The following BNC2 variants were observed in gnomAD, a reference collection of about 807,000 sequenced individuals.
The protein encoded by BNC2 is zinc finger protein basonuclin-2.
A neutral mutation model predicts 76.3 loss-of-function variants in BNC2; 20 were observed. The observed-to-expected ratio is 0.26, with a 90% CI of 0.18 to 0.38. The LOEUF (loss-of-function observed/expected upper bound fraction) is 0.38, where lower values mean the gene tolerates loss of function less well. Ranked by LOEUF, BNC2 falls within the 10% of genes least tolerant of loss-of-function variation. The pLI, the probability that BNC2 is intolerant of heterozygous loss-of-function variation, is 1.00. For missense variants in BNC2, 1,382 were observed against 1,399.8 expected (o/e 0.99, Z 0.20); for synonymous variants, 582 against 514.8 (o/e 1.13, Z -1.77).
At chr9:16,778,819 G>C (rs1826039675) in intron 1 of BNC2, among the ~76,000 whole-genome samples, 1 of 152,106 alleles carries the variant, frequency 6.6e-6, no homozygotes, top group African/African-American at 2.4e-5. Context: ...TACAAAACAA[G>C]TATTAAAGAA....
At chr9:16,823,848 C>G (rs909704424) in intron 1 of BNC2, among the ~76,000 whole-genome samples, 4 of 152,102 alleles carry the variant, frequency 2.6e-5, no homozygotes, top group South Asian at 2.1e-4. Context: ...CTCTAAAGGT[C>G]TTTTTCCTTC....
chr9:16,456,428 G>C (rs889329545), intron 5 of BNC2, among the ~76,000 whole-genome samples: 4 of 151,746 alleles, frequency 2.6e-5, no homozygotes, highest in Admixed American at 6.6e-5. Flanking sequence ...AGTCCTGGGA[G>C]GCTGAGGCAG....
chr9:16,800,098 G>A (rs986723493), intron 1 of BNC2, among the ~76,000 whole-genome samples: 2 of 151,928 alleles, frequency 1.3e-5, no homozygotes, highest in African/African-American at 2.4e-5. Flanking sequence ...GGTAGCAGGC[G>A]CCTGTAGTCC....
intron 5 of BNC2, among the ~76,000 whole-genome samples, chr9:16,504,469 T>C (rs1373185909): frequency 6.6e-6 from 1 of 152,056 alleles, no homozygotes; most frequent in East Asian, 1.9e-4. Context: ...AATAGACTGG[T>C]TAATAACTTT....
At chr9:16,770,080 CA>C (rs1172543766) in intron 1 of BNC2, among the ~76,000 whole-genome samples, 1 of 152,120 alleles carries the variant, frequency 6.6e-6, no homozygotes, top group Non-Finnish European at 1.5e-5. Flanking sequence ...CCGCCAGAAA[CA>C]AGGAGGTCTT....
chr9:16,513,447 C>G (rs1485608157), intron 5 of BNC2, among the ~76,000 whole-genome samples: 1 of 151,914 alleles, frequency 6.6e-6, no homozygotes, highest in African/African-American at 2.4e-5. Context: ...GCTGGGGCTA[C>G]AGGTGCCTGC....
At chr9:16,460,807 A>G (rs1200470736) in intron 5 of BNC2, among the ~76,000 whole-genome samples, 3 of 152,124 alleles carry the variant, frequency 2.0e-5, no homozygotes, top group Admixed American at 6.5e-5. Context: ...TCAGGATTGA[A>G]TTAAATGACA....
chr9:16,800,173 C>G (rs929283254), intron 1 of BNC2, among the ~76,000 whole-genome samples: 1 of 150,470 alleles, frequency 6.6e-6, no homozygotes, highest in Non-Finnish European at 1.5e-5. Context: ...TGCAGTGAGC[C>G]GAGATTGCAC....
chr9:16,778,069 G>A (rs999296809), intron 1 of BNC2, among the ~76,000 whole-genome samples: 1 of 152,150 alleles, frequency 6.6e-6, no homozygotes, highest in African/African-American at 2.4e-5. Flanking sequence ...GCCACAGTAG[G>A]TGACTAAATG....
intron 3 of BNC2, chr9:16,727,338 C>T (rs561429289): frequency 3.9e-4 from 66 of 170,682 alleles, no homozygotes; most frequent in Non-Finnish European, 6.4e-4. Context: ...TGCCTCCAGC[C>T]ACATGAAGTC....
rs1184358254 is a variant in BNC2 at position 16,519,694 on chromosome 9, C to T, written c.669+32836G>A. 6.6e-5 allele frequency among the ~76,000 whole-genome samples: 10 copies of T among 152,192 alleles called. No individual in the cohort carries two copies. The East Asian group carries it at 1.7e-3, about 26-fold the overall frequency. ...CATTAGGTACTAAGCACTTAACTAC[C>T]ATTTTCTCCAGTTTTTTCTACAACC... On this transcript the variant is annotated intron_variant, in intron 5 of 6. Coordinates refer to ENST00000380672, the MANE Select transcript of BNC2 (RefSeq NM_017637.6).
intron 6 of BNC2, among the ~76,000 whole-genome samples, chr9:16,426,233 GT>G (rs1373943943): frequency 6.6e-6 from 1 of 151,036 alleles, no homozygotes; most frequent in Non-Finnish European, 1.5e-5. Flanking sequence ...TCCATTCCTT[GT>G]TTTATATAGC....
intron 6 of BNC2, among the ~76,000 whole-genome samples, chr9:16,428,502 CTTAT>C (rs921847182): frequency 6.6e-5 from 10 of 152,194 alleles, no homozygotes; most frequent in Admixed American, 2.0e-4. Context: ...TTTTGATATT[CTTAT>C]TTATGTGGAT....
intron 3 of BNC2, among the ~76,000 whole-genome samples, chr9:16,681,127 A>C (rs1277028478): frequency 6.6e-6 from 1 of 152,222 alleles, no homozygotes; most frequent in Middle Eastern, 3.2e-3. Flanking sequence ...AGGGAAGCTG[A>C]GATGGTGGCA....
At chr9:16,840,130 C>T (rs561234543) in intron 1 of BNC2, among the ~76,000 whole-genome samples, 2 of 145,076 alleles carry the variant, frequency 1.4e-5, no homozygotes, top group East Asian at 4.2e-4. Context: ...AAAGATCAAA[C>T]AGGCAGTCAG....
intron 5 of BNC2, among the ~76,000 whole-genome samples, chr9:16,526,560 G>A (rs145121372): frequency 2.9e-4 from 37 of 127,968 alleles, no homozygotes; most frequent in African/African-American, 8.7e-4. Context: ...GTACTGCCAA[G>A]ATATATCCTC....
chr9:16,812,186 G>C (rs192911282), intron 1 of BNC2, among the ~76,000 whole-genome samples: 1 of 152,232 alleles, frequency 6.6e-6, no homozygotes, highest in Non-Finnish European at 1.5e-5. Context: ...GGTTTCTGAA[G>C]TGAAACCTGC....
intron 5 of BNC2, among the ~76,000 whole-genome samples, chr9:16,454,095 C>T (rs1236642613): frequency 6.6e-6 from 1 of 152,076 alleles, no homozygotes; most frequent in Admixed American, 6.6e-5. Flanking sequence ...ATCTCTCTCT[C>T]TTGAATTCTG....
intron 1 of BNC2, among the ~76,000 whole-genome samples, chr9:16,867,207 G>A (rs1262909448): frequency 6.6e-6 from 1 of 152,048 alleles, no homozygotes; most frequent in African/African-American, 2.4e-5. Flanking sequence ...TTTAAATGCA[G>A]AATCTCAAAA....
Sources: gnomAD v4.1 joint callset for allele counts (sites outside exome capture counted in the v4.1 genomes callset) on GRCh38, gnomAD v4.1.1 for gene constraint, MANE v1.5 for transcripts, NCBI Gene and HGNC (gene_info 2026-07-23, HGNC 2026-07-21) for gene names.